NARF: variants seen among roughly 807,000 people sequenced by gnomAD.
The protein encoded by NARF is nuclear prelamin A recognition factor.
In NARF, 41 loss-of-function variants were observed where a neutral mutation model predicts 48.0. The ratio of observed to expected loss-of-function variants is 0.85; its 90% CI spans 0.66 to 1.11. The LOEUF is 1.11. Ranked by LOEUF, NARF falls within the 50% of genes least tolerant of loss-of-function variation. The pLI is 0.00. For synonymous variants in NARF, 215 were observed against 225.5 expected, an observed-to-expected ratio of 0.95 and a Z score of 0.42; for missense variants, 613 against 590.2, an observed-to-expected ratio of 1.04 and a Z score of -0.40.
At chr17:82,472,489 A>C in intron 4 of NARF, 75 bp from the exon 5 acceptor site, 7 of 1,489,932 alleles carry the variant, frequency 4.7e-6, no homozygotes, top group Non-Finnish European at 6.3e-6. Context: ...GTCTCAAAAA[A>C]AAAAAAAAAG....
At chr17:82,482,806 T>A (rs55885346) in intron 7 of NARF, 1 of 151,952 alleles carries the variant, frequency 6.6e-6, no homozygotes, top group Admixed American at 6.6e-5. Flanking sequence ...TCTTTTTTTT[T>A]ATTTTTTGAG....
intron 6 of NARF, among the ~76,000 whole-genome samples, chr17:82,479,504 C>G (rs1286516221): frequency 1.3e-5 from 2 of 152,174 alleles, no homozygotes; most frequent in Admixed American, 1.3e-4. Flanking sequence ...TTCCCACAAC[C>G]CTCTGCGGCC....
chr17:82,462,247 G>A (rs975187106), intron 2 of NARF, among the ~76,000 whole-genome samples: 1 of 152,198 alleles, frequency 6.6e-6, no homozygotes, highest in Non-Finnish European at 1.5e-5. Context: ...TCAGAATTCA[G>A]GGTGGGAGTG....
chr17:82,490,201 T>G lies in NARF; in HGVS notation c.*2044T>G, dbSNP rs1412620003. ...AACAGAGCTGGCAGACGCCTGAAAC[T>G]CCATGGAACCATGCAGCTGTACCCT... On this transcript the variant is annotated 3_prime_UTR_variant, in exon 11 of 11. Coordinates refer to ENST00000309794, the MANE Select transcript of NARF (RefSeq NM_012336.4). The G allele has an allele frequency of 6.6e-6, 1 of 152,196 alleles. No individual in the cohort carries two copies. The highest frequency in any genetic ancestry group is 1.5e-5 in the Non-Finnish European group (1 of 68,042). 9.4% of individuals were successfully genotyped at this position (152,196 alleles called of 1,614,324 possible).
At chr17:82,480,467 G>A (rs1019011642) in intron 6 of NARF, 9 of 401,870 alleles carry the variant, frequency 2.2e-5, no homozygotes, top group South Asian at 1.3e-4. Context: ...TGGCTGGGGG[G>A]CTTTGCAGAT....
chr17:82,471,778 T>G (rs2043713006), intron 4 of NARF, among the ~76,000 whole-genome samples: 1 of 79,160 alleles, frequency 1.3e-5, no homozygotes, highest in Non-Finnish European at 2.4e-5. Context: ...CGCGAAAGAG[T>G]GAGACTCCGT....
At position 82,458,754 on chromosome 17, in the gene NARF, G is replaced by A. The variant is rs765877706; in HGVS notation, c.-50G>A. Reference sequence around the variant, plus strand: ...GCGGGCAGTGGTGTCCCAGTCTCCCGGTGCTTCCCTGAGGCTGAGGCGCCC... The same window carrying A: ...GCGGGCAGTGGTGTCCCAGTCTCCCAGTGCTTCCCTGAGGCTGAGGCGCCC... On this transcript the variant is annotated 5_prime_UTR_variant, in exon 1 of 11. Coordinates refer to ENST00000309794, the MANE Select transcript of NARF (RefSeq NM_012336.4). The A allele has an allele frequency of 8.1e-6, 12 of 1,477,128 alleles. No homozygotes were observed. In the African/African-American group the frequency reaches 1.6e-4, roughly 20 times the overall value. 91.5% of individuals were successfully genotyped at this position (1,477,128 alleles called of 1,614,324 possible).
intron 5 of NARF, among the ~76,000 whole-genome samples, 160 bp downstream of exon 5, chr17:82,472,858 G>GT (rs2043744933): frequency 6.6e-6 from 1 of 152,184 alleles, no homozygotes; most frequent in Admixed American, 6.5e-5. Flanking sequence ...GGTGTTTGAT[G>GT]TTTTGGGACA....
At position 82,484,794 on chromosome 17, in the gene NARF, A is replaced by G. The variant is rs774508808; in HGVS notation, c.834-19A>G. Reference sequence around the variant, plus strand: ...ACGTCAGCATTCATGAAGGACTTGTATTTTCTCTGCCTTGTGAGGTTTGGA... The same window carrying G: ...ACGTCAGCATTCATGAAGGACTTGTGTTTTCTCTGCCTTGTGAGGTTTGGA... On this transcript the variant is annotated intron_variant, in intron 8 of 10. Transcript: ENST00000309794. 3.2e-5 allele frequency: 50 copies of G among 1,569,144 alleles called. No homozygotes were observed. The highest frequency in any genetic ancestry group is 3.3e-5 in the Non-Finnish European group (38 of 1,155,850).
At chr17:82,458,517 AG>A (rs2043340409), upstream of NARF, 28 of 385,032 alleles carry the variant, frequency 7.3e-5, no homozygotes, top group South Asian at 2.2e-3. Context: ...CCGTACGTGG[AG>A]TGAGCCTGCG....
chr17:82,481,041 C>T (rs748471732), intron 6 of NARF, 41 bp from the exon 7 acceptor site: 90 of 1,613,258 alleles, frequency 5.6e-5, no homozygotes, highest in Non-Finnish European at 7.0e-5. Flanking sequence ...GCTGCCGTCA[C>T]CTCTTCACCA....
intron 10 of NARF, among the ~76,000 whole-genome samples, chr17:82,486,975 T>C (rs984640850): frequency 6.6e-6 from 1 of 152,202 alleles, no homozygotes; most frequent in African/African-American, 2.4e-5. Context: ...CTGCCTCTGG[T>C]GCAGCCTCCA....
chr17:82,478,785 C>T lies in NARF; in HGVS notation c.521-15C>T, dbSNP rs1347312913. The T allele has an allele frequency of 1.2e-6, 2 of 1,609,354 alleles. No individual in the cohort carries two copies. Among genetic ancestry groups the T allele is most frequent in the East Asian group, 2.2e-5 (1 of 44,836 alleles). ...AAGCAGTAAGGAGCTGACCGTGGATCCCTTCTCTCCCCAGGCTGGGTCCGA... is the reference window on the plus strand; with the variant it reads ...AAGCAGTAAGGAGCTGACCGTGGATTCCTTCTCTCCCCAGGCTGGGTCCGA... On this transcript the variant is annotated splice_polypyrimidine_tract_variant and intron_variant, in intron 5 of 10. Coordinates refer to ENST00000309794, the MANE Select transcript of NARF (RefSeq NM_012336.4).
At chr17:82,472,965 G>C (rs2043748931) in intron 5 of NARF, among the ~76,000 whole-genome samples, 1 of 151,804 alleles carries the variant, frequency 6.6e-6, no homozygotes, top group South Asian at 2.1e-4. Context: ...TTTTGAGACA[G>C]AGTCTCGCTC....
chr17:82,487,271 G>A (rs1424044199), intron 10 of NARF, among the ~76,000 whole-genome samples: 1 of 151,454 alleles, frequency 6.6e-6, no homozygotes, highest in Non-Finnish European at 1.5e-5. Context: ...ATTACCTGAG[G>A]TCAGGAGTTT....
At chr17:82,460,184 C>A in intron 2 of NARF, 112 bp downstream of exon 2, 1 of 881,378 alleles carries the variant, frequency 1.1e-6, no homozygotes, top group Non-Finnish European at 1.7e-6. Flanking sequence ...GACTGAAGTA[C>A]GCGGGCATGG....
intron 5 of NARF, among the ~76,000 whole-genome samples, chr17:82,474,493 A>T (rs2043789924): frequency 6.6e-6 from 1 of 152,202 alleles, no homozygotes; most frequent in Non-Finnish European, 1.5e-5. Context: ...CTGGCAAACA[A>T]CACTAGTTAA....
rs150899296 is a variant in NARF at position 82,463,963 on chromosome 17, G to A, written c.109-324G>A. 2.7e-3 allele frequency: 669 copies of A among 246,738 alleles called. 7 individuals are homozygous for A. The highest frequency in any genetic ancestry group is 0.012 in the African/African-American group (540 of 44,680). 15.3% of individuals were successfully genotyped at this position (246,738 alleles called of 1,614,324 possible). A position where few individuals can be genotyped will look rare whatever the true frequency, so the allele number is the denominator to read the frequency against. On this transcript the variant is annotated intron_variant, in intron 2 of 10. Transcript: ENST00000309794. ...AAGAGGAAGGGGTCTAGGAGGAAGG[G>A]GTCTAGCAGTGGGGTGAGCTTCCAG...
intron 5 of NARF, among the ~76,000 whole-genome samples, chr17:82,474,026 A>G (rs963970537): frequency 3.3e-5 from 5 of 152,112 alleles, no homozygotes; most frequent in South Asian, 2.1e-4. Context: ...TCTGCAAAAA[A>G]AAACAAAAAA....
Sources: gnomAD v4.1 joint callset for allele counts (sites outside exome capture counted in the v4.1 genomes callset) on GRCh38, gnomAD v4.1.1 for gene constraint, MANE v1.5 for transcripts, NCBI Gene and HGNC (gene_info 2026-07-23, HGNC 2026-07-21) for gene names.